WDR19: variants seen among roughly 807,000 people sequenced by gnomAD.
The protein encoded by WDR19 is WD repeat domain 19.
In WDR19, 121 loss-of-function variants were observed where a neutral mutation model predicts 180.0. The ratio of observed to expected loss-of-function variants is 0.67; its 90% CI spans 0.58 to 0.78. The LOEUF is 0.78. WDR19 is among the 30% of genes least tolerant of loss of function. The pLI, the probability that WDR19 is intolerant of heterozygous loss-of-function variation, is 0.00. For synonymous variants in WDR19, 497 were observed against 540.7 expected, an observed-to-expected ratio of 0.92 and a Z score of 1.12; for missense variants, 1,450 against 1,640.7, an observed-to-expected ratio of 0.88 and a Z score of 2.01.
intron 36 of WDR19, among the ~76,000 whole-genome samples, chr4:39,281,263 A>AGAGAGAGAGAGAGAGAGAGAGAG (rs57108177): frequency 2.2e-4 from 33 of 147,178 alleles, no homozygotes; most frequent in East Asian, 3.9e-4. Flanking sequence ...AGAGAGAGAG[A>AGAGAGAGAGAGAGAGAGAGAGAG]AAGCCTACTA....
chr4:39,220,138 T>C (rs1268709939), intron 14 of WDR19, among the ~76,000 whole-genome samples: 1 of 152,084 alleles, frequency 6.6e-6, no homozygotes, highest in Non-Finnish European at 1.5e-5. Flanking sequence ...GGAAGATCAC[T>C]TGAGCCCCAG....
intron 6 of WDR19, among the ~76,000 whole-genome samples, chr4:39,203,112 CTTTTT>C (rs553565048): frequency 7.4e-6 from 1 of 135,670 alleles, no homozygotes; most frequent in Non-Finnish European, 1.6e-5. Context: ...CTTTTTCTTT[CTTTTT>C]TTTTTTTTTT....
intron 24 of WDR19, among the ~76,000 whole-genome samples, chr4:39,247,266 A>G (rs1430504823): frequency 3.3e-5 from 5 of 152,180 alleles, no homozygotes; most frequent in African/African-American, 1.2e-4. Context: ...GACCTTCAGT[A>G]AACTCCAACA....
rs529145741 is a variant in WDR19, at chr4:39,274,737, G to T, written c.3566-71G>T. ...GACCCTGTTTTCCTACAGAACCAGG[G>T]TGGAATCCCGCCTGTATCACTGAGG... On this transcript the variant is annotated intron_variant, in intron 32 of 36. Coordinates refer to ENST00000399820, the MANE Select transcript of WDR19 (RefSeq NM_025132.4). 3 of 1,546,596 alleles carry T rather than the reference G, an allele frequency of 1.9e-6. No homozygotes were observed. In the Admixed American group the frequency reaches 5.3e-5, roughly 28 times the overall value.
intron 36 of WDR19, among the ~76,000 whole-genome samples, chr4:39,280,694 C>T (rs148870013): frequency 6.6e-6 from 1 of 151,392 alleles, no homozygotes. Flanking sequence ...CAGTGGCATG[C>T]AGCTGTTATC....
chr4:39,231,315 CAAAA>C (rs56002679), intron 17 of WDR19, among the ~76,000 whole-genome samples: 90 of 87,266 alleles, frequency 1.0e-3, no homozygotes, highest in Middle Eastern at 6.1e-3. Context: ...ACTCCGTCTT[CAAAA>C]AAAAAAAAAA....
At chr4:39,202,199 A>G (rs1002832732) in intron 6 of WDR19, among the ~76,000 whole-genome samples, 5 of 152,042 alleles carry the variant, frequency 3.3e-5, no homozygotes, top group Non-Finnish European at 5.9e-5. Flanking sequence ...TCATAGTTTT[A>G]TCTTTTTATC....
chr4:39,257,363 CT>C, intron 27 of WDR19, 122 bp from the exon 28 acceptor site: 1 of 914,134 alleles, frequency 1.1e-6, no homozygotes, highest in Admixed American at 2.6e-5. Context: ...ATGCAAGCCC[CT>C]GGTTGAGATG....
Position 39,255,901 on chromosome 4 carries a change from G to A in WDR19, c.3055G>A (p.Gly1019Arg), listed in dbSNP as rs200348598. 1.2e-6 allele frequency: 2 copies of A among 1,609,056 alleles called. No homozygotes were observed. Among genetic ancestry groups the A allele is most frequent in the South Asian group, 1.1e-5 (1 of 89,680 alleles). ...DYQSIALYFE[G>R]EKRYLQAGKF... Reference sequence around the variant, plus strand: ...TCAAAGCATTGCCTTATACTTTGAAGGAGAAAAGAGATATCTTCAGGCTGG... The same window carrying A: ...TCAAAGCATTGCCTTATACTTTGAAAGAGAAAAGAGATATCTTCAGGCTGG... The change falls in exon 27 of 37, where the codon GGA (glycine) becomes AGA (arginine). Residue 1019 changes from glycine (G) to arginine (R), a missense_variant. Coordinates refer to ENST00000399820, the MANE Select transcript of WDR19 (RefSeq NM_025132.4).
At chr4:39,211,983 G>T (rs2381350) in intron 9 of WDR19, among the ~76,000 whole-genome samples, 134,721 of 144,598 alleles carry the variant, frequency 0.93, 62,818 homozygotes, top group South Asian at 0.97. Flanking sequence ...GAGAGAGAGA[G>T]AGATAGATAG....
At position 39,272,102 on chromosome 4, in the gene WDR19, A is replaced by G. The variant is rs149257361; in HGVS notation, c.3484-878A>G. ...CAGGAGGATCCTTCTTCCATAAAGA[A>G]GGGGGTTTGAAGGAGAGAAGTCTTT... is the stretch of plus-strand genomic sequence containing the variant. On this transcript the variant is annotated intron_variant, in intron 31 of 36. Transcript: ENST00000399820. Among the ~76,000 whole-genome samples, 948 of 152,284 alleles carry G rather than the reference A, an allele frequency of 6.2e-3. 2 individuals are homozygous for G. Among genetic ancestry groups the G allele is most frequent in the South Asian group, 0.014 (65 of 4,814 alleles).
At chr4:39,250,885 A>G (rs1346887762) in intron 24 of WDR19, among the ~76,000 whole-genome samples, 2 of 152,258 alleles carry the variant, frequency 1.3e-5, no homozygotes, top group African/African-American at 4.8e-5. Context: ...AGAACATTCC[A>G]TGCTCATGGG....
intron 30 of WDR19, 126 bp downstream of exon 30, chr4:39,268,217 T>A (rs1054090316): frequency 3.5e-5 from 24 of 693,712 alleles, no homozygotes; most frequent in Middle Eastern, 6.8e-4. Flanking sequence ...CCCAAAAGAC[T>A]AAAGAGATGA....
At chr4:39,270,935 C>T (rs552855671) in intron 31 of WDR19, among the ~76,000 whole-genome samples, 3 of 142,880 alleles carry the variant, frequency 2.1e-5, no homozygotes, top group Non-Finnish European at 4.5e-5. Context: ...CACTCTGTCA[C>T]CCAGGTTGGA....
intron 3 of WDR19, 73 bp from the exon 4 acceptor site, chr4:39,189,583 A>C (rs1187984124): frequency 7.5e-6 from 10 of 1,335,112 alleles, no homozygotes; most frequent in Non-Finnish European, 1.0e-5. Context: ...TAATCTTGTT[A>C]TAGACAAAAA....
At chr4:39,239,516 G>A (rs1339090926) in intron 20 of WDR19, among the ~76,000 whole-genome samples, 2 of 151,878 alleles carry the variant, frequency 1.3e-5, no homozygotes, top group South Asian at 2.1e-4. Context: ...ACCAAAAGTA[G>A]CCAATAAAAT....
chr4:39,219,858 A>G (rs1729463827), intron 14 of WDR19, among the ~76,000 whole-genome samples: 1 of 152,196 alleles, frequency 6.6e-6, no homozygotes, highest in Non-Finnish European at 1.5e-5. Context: ...TTCAAAGCAT[A>G]TCATGCCTGT....
chr4:39,235,147 G>A (rs929956936), intron 20 of WDR19, among the ~76,000 whole-genome samples: 1 of 151,792 alleles, frequency 6.6e-6, no homozygotes, highest in African/African-American at 2.4e-5. Context: ...TTTTAATAGA[G>A]ACAGGATCTC....
intron 14 of WDR19, among the ~76,000 whole-genome samples, chr4:39,221,741 TAG>T (rs1729724729): frequency 6.6e-6 from 1 of 152,240 alleles, no homozygotes; most frequent in Non-Finnish European, 1.5e-5. Flanking sequence ...TTGTATATTC[TAG>T]AGTTTCATAT....
Sources: gnomAD v4.1 joint callset for allele counts (sites outside exome capture counted in the v4.1 genomes callset) on GRCh38, gnomAD v4.1.1 for gene constraint, MANE v1.5 for transcripts, NCBI Gene and HGNC (gene_info 2026-07-23, HGNC 2026-07-21) for gene names.